PHACTR1: variants seen among roughly 807,000 people sequenced by gnomAD.
PHACTR1 encodes the protein RPEL repeat containing 1.
In PHACTR1, 16 loss-of-function variants were observed where a neutral mutation model predicts 69.2. That is an observed-to-expected ratio of 0.23 (90% CI 0.16 to 0.35). The LOEUF (loss-of-function observed/expected upper bound fraction) is 0.35, where lower values mean the gene tolerates loss of function less well. PHACTR1 is among the 10% of genes least tolerant of loss of function. The pLI is 1.00. For missense variants in PHACTR1, 510 were observed against 734.7 expected, an observed-to-expected ratio of 0.69 and a Z score of 3.54; for synonymous variants, 312 against 284.5, an observed-to-expected ratio of 1.10 and a Z score of -0.97.
intron 4 of PHACTR1, among the ~76,000 whole-genome samples, chr6:12,980,630 G>A (rs1582811378): frequency 6.6e-6 from 1 of 151,794 alleles, no homozygotes; most frequent in Non-Finnish European, 1.5e-5. Context: ...TGTGATTGTG[G>A]CAAGGAGGAT....
chr6:13,015,240 T>TA (rs1316172062), intron 4 of PHACTR1, among the ~76,000 whole-genome samples: 1 of 152,182 alleles, frequency 6.6e-6, no homozygotes, highest in Non-Finnish European at 1.5e-5. Flanking sequence ...TTTTCAAAAT[T>TA]AGAGTCCTGC....
At chr6:13,230,480 A>T in intron 10 of PHACTR1, 1 of 435,770 alleles carries the variant, frequency 2.3e-6, no homozygotes. Context: ...TGGGAGGTGT[A>T]GGTTCCAGTG....
intron 4 of PHACTR1, among the ~76,000 whole-genome samples, chr6:13,044,527 T>C (rs1424638733): frequency 6.6e-6 from 1 of 152,158 alleles, no homozygotes; most frequent in East Asian, 1.9e-4. Context: ...AATGCTCTGA[T>C]TGGCCAGCAC....
chr6:12,812,769 G>A (rs1387841455), intron 4 of PHACTR1, among the ~76,000 whole-genome samples: 23 of 152,172 alleles, frequency 1.5e-4, no homozygotes, highest in Admixed American at 1.5e-3. Flanking sequence ...GTTTGAAATC[G>A]CATGATTGTT....
chr6:12,839,284 G>A (rs1030111531), intron 4 of PHACTR1, among the ~76,000 whole-genome samples: 1 of 152,172 alleles, frequency 6.6e-6, no homozygotes, highest in African/African-American at 2.4e-5. Flanking sequence ...TGCATACATT[G>A]TATCTGTGAC....
rs369662349 is a variant in PHACTR1, at chr6:13,231,086, A to AGGAAGGAAGGAAG, written c.1391+894_1391+895insGAAGGAAGGAAGG. ...AAGGAAGGAAGGAAGGAAGGAAGGA[A>AGGAAGGAAGGAAG]GAAGGAAGGAAGGGAAAAGAAAGAA... On this transcript the variant is annotated intron_variant, in intron 10 of 14. Transcript: ENST00000332995. Among the ~76,000 whole-genome samples the AGGAAGGAAGGAAG allele has an allele frequency of 7.6e-3, 307 of 40,504 alleles. 38 individuals are homozygous for AGGAAGGAAGGAAG. Among genetic ancestry groups the AGGAAGGAAGGAAG allele is most frequent in the Admixed American group, 0.021 (51 of 2,462 alleles). 26.6% of individuals were successfully genotyped at this position (40,504 alleles called of 152,430 possible).
At position 13,195,779 on chromosome 6, in the gene PHACTR1, A is replaced by AAAAAAAAAAAAAAAAAAAAAAG. The variant is rs201554952; in HGVS notation, c.665-10035_665-10034insAAAAAAAAAAAAAAAAAAAAGA. 5.0e-4 allele frequency among the ~76,000 whole-genome samples: 59 copies of AAAAAAAAAAAAAAAAAAAAAAG among 118,582 alleles called. 2 individuals are homozygous for AAAAAAAAAAAAAAAAAAAAAAG. The highest frequency in any genetic ancestry group is 6.5e-4 in the Non-Finnish European group (37 of 56,698). 77.8% of individuals were successfully genotyped at this position (118,582 alleles called of 152,430 possible). On this transcript the variant is annotated intron_variant, in intron 7 of 14. Coordinates refer to ENST00000332995, the MANE Select transcript of PHACTR1 (RefSeq NM_030948.6). ...TCTCAAAAAAAAAAAAAAAAAAAAAAAGTTCATTTGTGGTGGTAAGAAGAG... is the reference window on the plus strand; with the variant it reads ...TCTCAAAAAAAAAAAAAAAAAAAAAAAAAAAAAAAAAAAAAAAAAAAGAGTTCATTTGTGGTGGTAAGAAGAG...
chr6:13,280,829 CAAGG>C, intron 12 of PHACTR1: 1 of 579,436 alleles, frequency 1.7e-6, no homozygotes, highest in Non-Finnish European at 2.7e-6. Flanking sequence ...TTGCAGCATT[CAAGG>C]AAGGACTTCA....
Position 13,182,272 on chromosome 6 carries a change from G to A in PHACTR1, c.497-247G>A, listed in dbSNP as rs535466925. Among the ~76,000 whole-genome samples the A allele has an allele frequency of 2.2e-4, 34 of 152,306 alleles. No homozygotes were observed. The South Asian group carries it at 3.1e-3, about 14-fold the overall frequency. ...ATAATAATACATAGAAAACGTGATG[G>A]ATTCGGGTTAGAAAGACACAGAGAA... On this transcript the variant is annotated intron_variant, in intron 6 of 14. Transcript: ENST00000332995.
intron 5 of PHACTR1, among the ~76,000 whole-genome samples, chr6:13,073,023 T>C (rs76394470): frequency 0.013 from 1,940 of 152,230 alleles, 42 homozygotes; most frequent in African/African-American, 0.044. Flanking sequence ...TGATTTCGTC[T>C]TTTGTAGTTT....
At chr6:13,099,252 G>C (rs114730684) in intron 5 of PHACTR1, among the ~76,000 whole-genome samples, 6 of 152,136 alleles carry the variant, frequency 3.9e-5, no homozygotes, top group African/African-American at 7.2e-5. Flanking sequence ...AGTTTCCCTC[G>C]AACTTTTCTC....
At chr6:13,102,692 A>G (rs1411481925) in intron 5 of PHACTR1, among the ~76,000 whole-genome samples, 2 of 152,192 alleles carry the variant, frequency 1.3e-5, no homozygotes, top group East Asian at 3.8e-4. Flanking sequence ...ACCCCAGAAG[A>G]AAAAAATGTT....
At chr6:13,016,738 A>G (rs1217239271) in intron 4 of PHACTR1, among the ~76,000 whole-genome samples, 1 of 152,102 alleles carries the variant, frequency 6.6e-6, no homozygotes, top group Non-Finnish European at 1.5e-5. Flanking sequence ...ACAATTCACC[A>G]TTAATGGCCA....
chr6:12,958,404 C>T (rs189098243), intron 4 of PHACTR1, among the ~76,000 whole-genome samples: 550 of 152,214 alleles, frequency 3.6e-3, no homozygotes, highest in Non-Finnish European at 6.5e-3. Context: ...AAATTGAATC[C>T]GCAGCTGTTA....
At chr6:12,763,310 A>G (rs1218361215) in intron 4 of PHACTR1, among the ~76,000 whole-genome samples, 2 of 152,230 alleles carry the variant, frequency 1.3e-5, no homozygotes, top group Non-Finnish European at 2.9e-5. Flanking sequence ...AAGTAAAACC[A>G]TCCACAAAAA....
chr6:13,019,081 C>CTTTTTT (rs1800614530), intron 4 of PHACTR1, among the ~76,000 whole-genome samples: 1 of 96,886 alleles, frequency 1.0e-5, no homozygotes. Context: ...TATATTTTTT[C>CTTTTTT]TTTTTCTTTT....
intron 4 of PHACTR1, among the ~76,000 whole-genome samples, chr6:13,043,682 GA>G (rs896186214): frequency 2.6e-5 from 4 of 152,238 alleles, no homozygotes; most frequent in Admixed American, 2.6e-4. Context: ...TGGCTTAACA[GA>G]AAGAGTTTGC....
chr6:12,795,772 C>T lies in PHACTR1; in HGVS notation c.250+45982C>T, dbSNP rs1210052673. Among the ~76,000 whole-genome samples, 4 of 149,280 alleles carry T rather than the reference C, an allele frequency of 2.7e-5. No individual in the cohort carries two copies. In the East Asian group the frequency reaches 8.3e-4, roughly 31 times the overall value. On this transcript the variant is annotated intron_variant, in intron 4 of 14. Coordinates refer to ENST00000332995, the MANE Select transcript of PHACTR1 (RefSeq NM_030948.6). ...TTTTAATTCTTCCCCTTTTTAAATA[C>T]TTAGGTAACTTAGCCAAATGTATTA...
intron 4 of PHACTR1, among the ~76,000 whole-genome samples, chr6:12,789,055 C>G (rs769959214): frequency 6.6e-6 from 1 of 152,150 alleles, no homozygotes; most frequent in East Asian, 1.9e-4. Flanking sequence ...TTTCTTTGTT[C>G]TTCTTTTGTA....
Sources: allele counts gnomAD v4.1 joint callset (sites outside exome capture counted in the v4.1 genomes callset), GRCh38; gene constraint gnomAD v4.1.1; transcripts MANE v1.5; gene names NCBI Gene and HGNC (gene_info 2026-07-23, HGNC 2026-07-21).